SPATA16: variants seen among roughly 807,000 people sequenced by gnomAD.
SPATA16 encodes spermatogenesis associated 16.
SPATA16 carries 36 observed loss-of-function variants against 63.3 expected under a neutral mutation model. The observed-to-expected ratio is 0.57, with a 90% CI of 0.44 to 0.75. The LOEUF (loss-of-function observed/expected upper bound fraction) is 0.75, where lower values mean the gene tolerates loss of function less well. SPATA16 is among the 30% of genes least tolerant of loss of function. SPATA16 has a pLI of 0.00. For missense variants in SPATA16, 646 were observed against 679.3 expected, an observed-to-expected ratio of 0.95 and a Z score of 0.54; for synonymous variants, 203 against 216.7, an observed-to-expected ratio of 0.94 and a Z score of 0.56.
chr3:173,052,862 A>C (rs1275762232), intron 2 of SPATA16, among the ~76,000 whole-genome samples: 2 of 152,216 alleles, frequency 1.3e-5, no homozygotes, highest in Non-Finnish European at 2.9e-5. Context: ...AAAACTTTTA[A>C]ATTACCTGAA....
intron 2 of SPATA16, among the ~76,000 whole-genome samples, chr3:173,070,212 T>C (rs761232507): frequency 1.3e-5 from 2 of 151,962 alleles, no homozygotes; most frequent in East Asian, 3.9e-4. Context: ...CTGTCCAATA[T>C]GGTGAAACCC....
At chr3:172,896,347 A>T (rs1369162913) in intron 10 of SPATA16, among the ~76,000 whole-genome samples, 1 of 152,034 alleles carries the variant, frequency 6.6e-6, no homozygotes, top group Admixed American at 6.5e-5. Context: ...CAGCCTCCCG[A>T]GTAGCTGGGA....
At chr3:172,945,931 C>T (rs2109609781) in intron 6 of SPATA16, among the ~76,000 whole-genome samples, 1 of 152,274 alleles carries the variant, frequency 6.6e-6, no homozygotes, top group Admixed American at 6.5e-5. Context: ...GTTCTTGTGT[C>T]ACCTCTCCCC....
chr3:172,923,080 C>G (rs190701633), intron 8 of SPATA16, among the ~76,000 whole-genome samples: 1 of 152,280 alleles, frequency 6.6e-6, no homozygotes, highest in East Asian at 1.9e-4. Context: ...TAATGCTACA[C>G]GGTGATGGTT....
chr3:173,112,554 T>A (rs1737774174), intron 2 of SPATA16, among the ~76,000 whole-genome samples: 1 of 152,176 alleles, frequency 6.6e-6, no homozygotes, highest in South Asian at 2.1e-4. Context: ...TTCTCATTAG[T>A]AACACAATAA....
At chr3:172,990,301 G>A (rs552138564) in intron 4 of SPATA16, among the ~76,000 whole-genome samples, 1 of 152,302 alleles carries the variant, frequency 6.6e-6, no homozygotes, top group South Asian at 2.1e-4. Flanking sequence ...GACATAGTAA[G>A]TGAATAAATA....
At chr3:173,004,173 T>A (rs1236468982) in intron 4 of SPATA16, among the ~76,000 whole-genome samples, 1 of 152,172 alleles carries the variant, frequency 6.6e-6, no homozygotes, top group Non-Finnish European at 1.5e-5. Flanking sequence ...CAGTATTTTT[T>A]AAAAAGAGTA....
At chr3:172,976,910 A>C (rs1734172917) in intron 5 of SPATA16, 58 bp downstream of exon 5, 2 of 1,416,480 alleles carry the variant, frequency 1.4e-6, no homozygotes, top group Admixed American at 3.4e-5. Flanking sequence ...CCAATCTTTC[A>C]TTTTGGCTCT....
chr3:173,118,201 C>T (rs2108337780), intron 1 of SPATA16, among the ~76,000 whole-genome samples: 1 of 152,332 alleles, frequency 6.6e-6, no homozygotes, highest in South Asian at 2.1e-4. Flanking sequence ...GAAACCCCAG[C>T]TGCTTCCTCT....
At chr3:172,944,232 T>A (rs1052928299) in intron 6 of SPATA16, among the ~76,000 whole-genome samples, 16 of 152,106 alleles carry the variant, frequency 1.1e-4, no homozygotes, top group African/African-American at 3.6e-4. Flanking sequence ...GAAGAAGACA[T>A]AAAAATGGCC....
intron 3 of SPATA16, among the ~76,000 whole-genome samples, chr3:173,029,559 T>C (rs1033437593): frequency 1.3e-5 from 2 of 151,976 alleles, no homozygotes; most frequent in Non-Finnish European, 2.9e-5. Context: ...GTTTAGAGAA[T>C]GTGAATATTT....
intron 2 of SPATA16, among the ~76,000 whole-genome samples, chr3:173,056,159 C>T (rs1199092800): frequency 6.6e-6 from 1 of 152,156 alleles, no homozygotes; most frequent in Non-Finnish European, 1.5e-5. Flanking sequence ...CATACATCAG[C>T]CCCTCCACAT....
At chr3:173,135,285 C>T (rs987381481) in intron 1 of SPATA16, among the ~76,000 whole-genome samples, 6 of 152,084 alleles carry the variant, frequency 3.9e-5, no homozygotes, top group African/African-American at 1.4e-4. Context: ...ACCAGAAGGC[C>T]AAAATTAAGA....
chr3:172,912,100 A>G (rs991148056), intron 10 of SPATA16, among the ~76,000 whole-genome samples: 2 of 152,156 alleles, frequency 1.3e-5, no homozygotes, highest in African/African-American at 4.8e-5. Flanking sequence ...TGAATGTGCC[A>G]TGCTTTTTTA....
At chr3:173,030,367 TC>T (rs1408903076) in intron 3 of SPATA16, among the ~76,000 whole-genome samples, 1 of 151,990 alleles carries the variant, frequency 6.6e-6, no homozygotes, top group Non-Finnish European at 1.5e-5. Flanking sequence ...ATAAGAAACT[TC>T]TTTGAGTTAA....
chr3:173,117,760 G>C lies in SPATA16; in HGVS notation c.-18-11C>G. On this transcript the variant is annotated splice_polypyrimidine_tract_variant and intron_variant, in intron 1 of 10. Coordinates refer to ENST00000351008, the MANE Select transcript of SPATA16 (RefSeq NM_031955.6). ...TCCTGCCCAAAACTCCTGCAGGGGG[G>C]AGAAAAAGGAAAGTAATTAAGGCAA... is the stretch of plus-strand genomic sequence containing the variant. 1.2e-6 allele frequency: 2 copies of C among 1,613,912 alleles called. No individual in the cohort carries two copies. The highest frequency in any genetic ancestry group is 1.7e-6 in the Non-Finnish European group (2 of 1,179,936).
intron 10 of SPATA16, among the ~76,000 whole-genome samples, chr3:172,902,547 A>G (rs886123619): frequency 6.6e-6 from 1 of 152,228 alleles, no homozygotes; most frequent in Non-Finnish European, 1.5e-5. Context: ...TGAATCACCT[A>G]TTGTAAAGCT....
At chr3:172,894,528 T>G (rs1731967667) in intron 10 of SPATA16, among the ~76,000 whole-genome samples, 1 of 151,014 alleles carries the variant, frequency 6.6e-6, no homozygotes, top group East Asian at 1.9e-4. Context: ...CACCAACTCT[T>G]GAAAATACCC....
intron 4 of SPATA16, among the ~76,000 whole-genome samples, chr3:172,983,939 C>G (rs1426357855): frequency 6.6e-6 from 1 of 152,028 alleles, no homozygotes; most frequent in Non-Finnish European, 1.5e-5. Context: ...ACCCTCCAGT[C>G]AAGGCCCCAC....
Sources: allele counts gnomAD v4.1 joint callset (sites outside exome capture counted in the v4.1 genomes callset), GRCh38; gene constraint gnomAD v4.1.1; transcripts MANE v1.5; gene names NCBI Gene and HGNC (gene_info 2026-07-23, HGNC 2026-07-21).